KIAA1217: variants seen among roughly 807,000 people sequenced by gnomAD.
The protein encoded by KIAA1217 is sickle tail protein homolog.
Under a neutral mutation model 163.9 loss-of-function variants are expected in KIAA1217, and 88 were observed. That is an observed-to-expected ratio of 0.54 (90% CI 0.45 to 0.64). The LOEUF (loss-of-function observed/expected upper bound fraction) is 0.64, where lower values mean the gene tolerates loss of function less well. Among genes scored for constraint, KIAA1217 ranks in the 30% least tolerant of loss-of-function variants. The pLI is 0.00. For synonymous variants in KIAA1217, 903 were observed against 923.1 expected (o/e 0.98, Z 0.39); for missense variants, 2,372 against 2,475.0 (o/e 0.96, Z 0.88).
chr10:23,845,131 C>G (rs1224408748), intron 1 of KIAA1217, among the ~76,000 whole-genome samples: 1 of 152,198 alleles, frequency 6.6e-6, no homozygotes, highest in African/African-American at 2.4e-5. Flanking sequence ...TTTATCCAGT[C>G]TATCATTGAT....
At chr10:24,368,435 T>G (rs1380588409) in intron 2 of KIAA1217, among the ~76,000 whole-genome samples, 1 of 152,100 alleles carries the variant, frequency 6.6e-6, no homozygotes, top group East Asian at 1.9e-4. Flanking sequence ...AAATAAATCT[T>G]CAGTACTGAC....
At chr10:23,723,213 C>T (rs992838945) in intron 1 of KIAA1217, among the ~76,000 whole-genome samples, 17 of 152,094 alleles carry the variant, frequency 1.1e-4, no homozygotes, top group Non-Finnish European at 2.1e-4. Flanking sequence ...GGTATTGATG[C>T]TTTTCATCTC....
At chr10:24,404,780 T>A (rs1329334378) in intron 3 of KIAA1217, among the ~76,000 whole-genome samples, 1 of 152,126 alleles carries the variant, frequency 6.6e-6, no homozygotes, top group East Asian at 1.9e-4. Context: ...CTACGATACA[T>A]GCATACCATG....
At chr10:24,496,439 A>C (rs1048975193) in intron 8 of KIAA1217, among the ~76,000 whole-genome samples, 6 of 152,270 alleles carry the variant, frequency 3.9e-5, no homozygotes, top group Non-Finnish European at 1.5e-5. Context: ...AAACTACTAA[A>C]TACTAAAAGC....
At chr10:24,042,371 CAA>C (rs1848677253) in intron 2 of KIAA1217, 1 of 151,332 alleles carries the variant, frequency 6.6e-6, no homozygotes. Flanking sequence ...ATTTGAACAG[CAA>C]ACAGAAAAAA....
chr10:23,977,229 A>C (rs1845578786), intron 1 of KIAA1217, among the ~76,000 whole-genome samples: 1 of 152,222 alleles, frequency 6.6e-6, no homozygotes, highest in Non-Finnish European at 1.5e-5. Flanking sequence ...AAACTTTGTC[A>C]AACTTCTTTA....
At chr10:24,261,838 G>C (rs911373451) in intron 2 of KIAA1217, among the ~76,000 whole-genome samples, 1 of 152,136 alleles carries the variant, frequency 6.6e-6, no homozygotes, top group African/African-American at 2.4e-5. Flanking sequence ...GCTAAGCCAT[G>C]GGAAAAATCT....
At chr10:23,823,111 G>T (rs1837702669) in intron 1 of KIAA1217, among the ~76,000 whole-genome samples, 1 of 152,198 alleles carries the variant, frequency 6.6e-6, no homozygotes, top group Non-Finnish European at 1.5e-5. Context: ...TTAGAGTCAT[G>T]CTTCACCTGG....
chr10:23,848,437 C>A (rs1224673213), intron 1 of KIAA1217, among the ~76,000 whole-genome samples: 1 of 151,776 alleles, frequency 6.6e-6, no homozygotes, highest in African/African-American at 2.4e-5. Context: ...TTATATAATA[C>A]CCTTCTTTAT....
chr10:24,520,194 A>G lies in KIAA1217; in HGVS notation c.2249A>G (p.Asp750Gly). 6.2e-7 allele frequency: 1 copy of G among 1,614,136 alleles called. No homozygotes were observed. The highest frequency in any genetic ancestry group is 8.5e-7 in the Non-Finnish European group (1 of 1,180,012). The change falls in exon 11 of 21, where the codon GAC becomes GGC. Residue 750 changes from aspartate (D) to glycine (G), a missense_variant. Around this residue, in one of 3 missense-constraint regions of KIAA1217, gnomAD observed 1,431 missense variants for 1,470.3 expected, o/e 0.97. Transcript: ENST00000376454. ...TAASRLVTLK[D>G]VEDGAFLLRQ... ...GCCAGCCGATTGGTTACTCTGAAAG[A>G]CGTGGAAGACGGGGCTTTCCTCCTG...
upstream of KIAA1217, among the ~76,000 whole-genome samples, chr10:24,206,347 A>T (rs1233788532): frequency 6.6e-6 from 1 of 152,250 alleles, no homozygotes; most frequent in Non-Finnish European, 1.5e-5. Flanking sequence ...TCTAGTTCAA[A>T]TAGTGTTTCT....
intron 1 of KIAA1217, among the ~76,000 whole-genome samples, chr10:23,730,557 G>A (rs912523193): frequency 6.6e-6 from 1 of 151,836 alleles, no homozygotes; most frequent in Non-Finnish European, 1.5e-5. Flanking sequence ...TATTTTGATG[G>A]CATTTAATTT....
Position 23,993,553 on chromosome 10 carries a change from C to CTTTTTTTTTTTTTTTTTTTTTTTTTTTTT in KIAA1217, c.-320-13652_-320-13651insTTTTTTTTTTTTTTTTTTTTTTTTTTTTT, listed in dbSNP as rs200437343. On this transcript the variant is annotated intron_variant, in intron 1 of 18. Coordinates refer to the KIAA1217 transcript ENST00000376462. Reference sequence around the variant, plus strand: ...AAGAGTTTGGCTCTCCATAGCCCAGCTTTTTTTTTTTTTTTTTTTTGAGAC... The same window carrying CTTTTTTTTTTTTTTTTTTTTTTTTTTTTT: ...AAGAGTTTGGCTCTCCATAGCCCAGCTTTTTTTTTTTTTTTTTTTTTTTTTTTTTTTTTTTTTTTTTTTTTTTTTGAGAC... Among the ~76,000 whole-genome samples, 27 of 68,940 alleles carry CTTTTTTTTTTTTTTTTTTTTTTTTTTTTT rather than the reference C, an allele frequency of 3.9e-4. 9 individuals are homozygous for CTTTTTTTTTTTTTTTTTTTTTTTTTTTTT. The highest frequency in any genetic ancestry group is 1.7e-3 in the African/African-American group (20 of 11,980). The allele number at this position is 68,940 out of a possible 152,430, so 45.2% of individuals were successfully genotyped here. A position where few individuals can be genotyped will look rare whatever the true frequency, so the allele number is the denominator to read the frequency against.
chr10:24,182,438 T>A (rs12146292), intron 2 of KIAA1217, among the ~76,000 whole-genome samples: 56,120 of 144,918 alleles, frequency 0.39, 10,928 homozygotes, highest in African/African-American at 0.46. Flanking sequence ...CAAGACTCCA[T>A]CACACACACA....
intron 1 of KIAA1217, among the ~76,000 whole-genome samples, chr10:23,746,623 C>A (rs113827245): frequency 6.6e-6 from 1 of 151,930 alleles, no homozygotes; most frequent in African/African-American, 2.4e-5. Context: ...CAGGGTTTTA[C>A]CGTGTTAGCC....
intron 8 of KIAA1217, among the ~76,000 whole-genome samples, chr10:24,500,184 A>AGTGTGT (rs57872451): frequency 0.19 from 27,460 of 143,042 alleles, 2,650 homozygotes; most frequent in Middle Eastern, 0.24. Context: ...ACTGAACAGA[A>AGTGTGT]GTGTGTGTGT....
intron 1 of KIAA1217, among the ~76,000 whole-genome samples, chr10:23,978,134 G>A (rs1441826142): frequency 6.6e-6 from 1 of 152,110 alleles, no homozygotes; most frequent in African/African-American, 2.4e-5. Context: ...TCATAAAATG[G>A]CAATGATCCT....
At position 24,544,076 on chromosome 10, in the gene KIAA1217, G is replaced by A; in HGVS notation, c.4806G>A (p.Val1602=). ...GTKTGKKTLQ[V]VVYEEEEEDG... is the part of the protein sequence containing the mutation. ...AAACAGGGAAGAAGACTTTGCAAGT[G>A]GTAGTCTATGAAGAAGAGGAAGAGG... The change falls in exon 19 of 21, where the codon GTG becomes GTA. Residue 1602 remains valine (V), a synonymous_variant. Coordinates refer to ENST00000376454, the MANE Select transcript of KIAA1217 (RefSeq NM_019590.5). The A allele has an allele frequency of 2.5e-6, 4 of 1,614,140 alleles. No individual in the cohort carries two copies. Among genetic ancestry groups the A allele is most frequent in the Non-Finnish European group, 3.4e-6 (4 of 1,180,030 alleles).
intron 1 of KIAA1217, among the ~76,000 whole-genome samples, chr10:23,969,327 G>A (rs143253317): frequency 1.6e-3 from 244 of 152,262 alleles, no homozygotes; most frequent in African/African-American, 5.4e-3. Context: ...GAGCCACCGC[G>A]CCCAGTCCGA....
Sources: allele counts gnomAD v4.1 joint callset (sites outside exome capture counted in the v4.1 genomes callset), GRCh38; gene constraint gnomAD v4.1.1; regional missense constraint gnomAD v4.1.1; transcripts MANE v1.5; gene names NCBI Gene and HGNC (gene_info 2026-07-23, HGNC 2026-07-21).